Variants in PCDHA13 observed in about 807,000 individuals in gnomAD.
PCDHA13 encodes protocadherin alpha-13.
A neutral mutation model predicts 64.8 loss-of-function variants in PCDHA13; 54 were observed. That is an observed-to-expected ratio of 0.83 (90% CI 0.67 to 1.04). The LOEUF (loss-of-function observed/expected upper bound fraction) is 1.04. Among genes scored for constraint, PCDHA13 ranks in the 50% least tolerant of loss-of-function variants. The pLI is 0.00. For synonymous variants in PCDHA13, 587 were observed against 564.4 expected (o/e 1.04, Z -0.57); for missense variants, 1,248 against 1,254.3 (o/e 0.99, Z 0.08).
At chr5:140,897,863 T>C (rs1432232591) in intron 1 of PCDHA13, among the ~76,000 whole-genome samples, 6 of 152,206 alleles carry the variant, frequency 3.9e-5, no homozygotes, top group Admixed American at 3.9e-4. Flanking sequence ...GTTTCCTGAC[T>C]TTTTAATGAT....
intron 1 of PCDHA13, among the ~76,000 whole-genome samples, chr5:140,915,919 AC>A (rs1449299766): frequency 6.6e-6 from 1 of 152,102 alleles, no homozygotes; most frequent in Non-Finnish European, 1.5e-5. Flanking sequence ...CAGAGATGCT[AC>A]TTGGGAGTCA....
intron 1 of PCDHA13, among the ~76,000 whole-genome samples, chr5:140,918,479 G>T (rs895821639): frequency 1.3e-5 from 2 of 152,092 alleles, no homozygotes; most frequent in Non-Finnish European, 2.9e-5. Flanking sequence ...AGTCTCAAGG[G>T]GAATGCTTTG....
intron 1 of PCDHA13, among the ~76,000 whole-genome samples, chr5:140,974,111 T>C (rs1475006775): frequency 2.0e-5 from 3 of 152,280 alleles, no homozygotes; most frequent in Non-Finnish European, 4.4e-5. Flanking sequence ...AAGTATTCTT[T>C]TGCAGTGTTT....
chr5:140,883,806 A>T lies in PCDHA13; in HGVS notation c.1538A>T (p.Glu513Val), dbSNP rs1554180079. The change falls in exon 1 of 4, where the codon GAG becomes GTG. Residue 513 changes from glutamate to valine, a missense_variant. By Grantham distance (121) the Glu-to-Val change is moderately radical (BLOSUM62 -2). Transcript: ENST00000289272. ...TCGAGCTACGTGTCGGTGCACGCGG[A>T]GAGCGGCAAGGTGTACGCGCTGCAG... ...ALSSYVSVHA[E>V]SGKVYALQPL... 1 of 1,612,344 alleles carries T rather than the reference A, an allele frequency of 6.2e-7. No individual in the cohort carries two copies. The highest frequency in any genetic ancestry group is 2.2e-5 in the East Asian group (1 of 44,832).
chr5:140,909,684 G>A (rs2074634664), intron 1 of PCDHA13, among the ~76,000 whole-genome samples: 1 of 152,220 alleles, frequency 6.6e-6, no homozygotes, highest in Non-Finnish European at 1.5e-5. Context: ...GGGAGCCAAT[G>A]TGGGGGTTCT....
chr5:141,002,497 CT>C (rs1310638544), intron 3 of PCDHA13, among the ~76,000 whole-genome samples: 1 of 152,204 alleles, frequency 6.6e-6, no homozygotes, highest in Non-Finnish European at 1.5e-5. Flanking sequence ...TGTTATACAG[CT>C]CAGGATCTGA....
chr5:140,910,976 A>G (rs1265082758), intron 1 of PCDHA13, among the ~76,000 whole-genome samples: 1 of 152,058 alleles, frequency 6.6e-6, no homozygotes, highest in Non-Finnish European at 1.5e-5. Context: ...CTCATGGGTT[A>G]TACTCTGAAC....
intron 1 of PCDHA13, among the ~76,000 whole-genome samples, chr5:140,954,401 A>G (rs567522525): frequency 2.0e-4 from 31 of 152,300 alleles, no homozygotes; most frequent in Middle Eastern, 3.4e-3. Flanking sequence ...AACCCCACCA[A>G]CAGGGTAAAG....
intron 1 of PCDHA13, among the ~76,000 whole-genome samples, chr5:140,889,584 CT>C (rs1192659128): frequency 1.3e-5 from 2 of 151,792 alleles, no homozygotes; most frequent in Non-Finnish European, 2.9e-5. Context: ...TTTGTTTTTG[CT>C]TTGAAATATT....
intron 3 of PCDHA13, among the ~76,000 whole-genome samples, chr5:141,005,783 C>T (rs79683532): frequency 0.097 from 14,322 of 148,270 alleles, 898 homozygotes; most frequent in African/African-American, 0.18. Context: ...TGTAAAGATC[C>T]TGAGGCAAAA....
At chr5:140,984,976 C>A (rs905264957) in intron 3 of PCDHA13, among the ~76,000 whole-genome samples, 8 of 151,910 alleles carry the variant, frequency 5.3e-5, no homozygotes, top group African/African-American at 1.9e-4. Flanking sequence ...CTCGCTCTGT[C>A]CCCCAGGCTG....
At chr5:140,927,378 C>T in intron 1 of PCDHA13, 3 of 1,614,110 alleles carry the variant, frequency 1.9e-6, no homozygotes, top group Non-Finnish European at 2.5e-6. Flanking sequence ...TAAGCTACAG[C>T]CTAAGCCCCA....
chr5:140,928,000 G>C, intron 1 of PCDHA13: 1 of 1,614,166 alleles, frequency 6.2e-7, no homozygotes. Flanking sequence ...TGAAGACCTC[G>C]ATTCTAATGG....
At chr5:140,909,439 G>C (rs1348703640) in intron 1 of PCDHA13, among the ~76,000 whole-genome samples, 1 of 152,210 alleles carries the variant, frequency 6.6e-6, no homozygotes, top group Admixed American at 6.5e-5. Context: ...ATAATCCACT[G>C]TCATTCTCCA....
intron 1 of PCDHA13, among the ~76,000 whole-genome samples, chr5:140,941,032 T>C (rs1321810263): frequency 6.6e-6 from 1 of 152,222 alleles, no homozygotes; most frequent in Non-Finnish European, 1.5e-5. Flanking sequence ...CTGGCCTTTT[T>C]GGTGCCAAGT....
intron 1 of PCDHA13, chr5:140,968,901 T>A (rs1321022294): frequency 6.2e-7 from 1 of 1,614,106 alleles, no homozygotes; most frequent in Non-Finnish European, 8.5e-7. Flanking sequence ...ATAATAGCAT[T>A]AAGCACAGTG....
At chr5:140,975,610 C>T (rs1412581927) in intron 1 of PCDHA13, among the ~76,000 whole-genome samples, 5 of 152,160 alleles carry the variant, frequency 3.3e-5, no homozygotes, top group Non-Finnish European at 7.4e-5. Flanking sequence ...TGATGTCTTC[C>T]ACATGGATTT....
intron 3 of PCDHA13, among the ~76,000 whole-genome samples, chr5:141,000,955 T>G (rs1237087024): frequency 6.6e-6 from 1 of 152,210 alleles, no homozygotes; most frequent in Non-Finnish European, 1.5e-5. Flanking sequence ...CTTGCTGTAA[T>G]TTAAGCCTTC....
chr5:140,976,486 G>C (rs782708902), intron 1 of PCDHA13, among the ~76,000 whole-genome samples: 1 of 152,078 alleles, frequency 6.6e-6, no homozygotes, highest in Non-Finnish European at 1.5e-5. Flanking sequence ...GGGAGGCAGA[G>C]GTTGCAGGGA....
Sources: gnomAD v4.1 joint callset for allele counts (sites outside exome capture counted in the v4.1 genomes callset) on GRCh38, gnomAD v4.1.1 for gene constraint, MANE v1.5 for transcripts, NCBI Gene and HGNC (gene_info 2026-07-23, HGNC 2026-07-21) for gene names.